Variants in MSH4 observed in about 807,000 individuals in gnomAD.
The protein encoded by MSH4 is mutS homolog 4.
Under a neutral mutation model 113.7 loss-of-function variants are expected in MSH4, and 106 were observed. The ratio of observed to expected loss-of-function variants is 0.93; its 90% CI spans 0.80 to 1.10. MSH4 has a LOEUF of 1.10. Ranked by LOEUF, MSH4 falls within the 50% of genes least tolerant of loss-of-function variation. The pLI is 0.00. For missense variants in MSH4, 1,061 were observed against 1,093.7 expected (o/e 0.97, Z 0.42); for synonymous variants, 368 against 380.2 (o/e 0.97, Z 0.37).
chr1:75,862,361 T>G (rs1651476137), intron 8 of MSH4, among the ~76,000 whole-genome samples: 1 of 152,226 alleles, frequency 6.6e-6, no homozygotes, highest in Non-Finnish European at 1.5e-5. Flanking sequence ...ACCCATCTTC[T>G]GCGTCAATCT....
At chr1:75,841,886 T>G (rs1313966717) in intron 7 of MSH4, among the ~76,000 whole-genome samples, 7 of 152,232 alleles carry the variant, frequency 4.6e-5, no homozygotes, top group Non-Finnish European at 1.0e-4. Context: ...ATATTCAGCC[T>G]ATTCTAATTT....
intron 19 of MSH4, among the ~76,000 whole-genome samples, chr1:75,908,735 T>C (rs1652724436): frequency 6.6e-6 from 1 of 152,180 alleles, no homozygotes; most frequent in African/African-American, 2.4e-5. Flanking sequence ...GGTTGTATGT[T>C]TGCTTAGAAG....
chr1:75,831,465 C>T lies in MSH4; in HGVS notation c.1162+8884C>T, dbSNP rs190350359. Among the ~76,000 whole-genome samples the T allele has an allele frequency of 1.4e-3, 220 of 152,286 alleles. 1 individual carries two copies. Among genetic ancestry groups the T allele is most frequent in the African/African-American group, 5.1e-3 (212 of 41,548 alleles). ...CAGACATCTACAGAACTCTCCACCCCAAAGCAGCAGAATATACATTTTCTC... is the reference window on the plus strand; with the variant it reads ...CAGACATCTACAGAACTCTCCACCCTAAAGCAGCAGAATATACATTTTCTC... On this transcript the variant is annotated intron_variant, in intron 7 of 19. Transcript: ENST00000263187.
At chr1:75,845,489 G>A (rs765218303) in intron 7 of MSH4, among the ~76,000 whole-genome samples, 3 of 152,182 alleles carry the variant, frequency 2.0e-5, no homozygotes, top group Admixed American at 6.6e-5. Flanking sequence ...AAGGAAATCA[G>A]TTCAAACCTC....
At chr1:75,820,032 G>A (rs997942871) in intron 6 of MSH4, among the ~76,000 whole-genome samples, 1 of 152,010 alleles carries the variant, frequency 6.6e-6, no homozygotes, top group African/African-American at 2.4e-5. Context: ...CTTTAGAATA[G>A]CTCATTTCTT....
At chr1:75,835,860 T>C (rs1650816199) in intron 7 of MSH4, among the ~76,000 whole-genome samples, 1 of 152,246 alleles carries the variant, frequency 6.6e-6, no homozygotes, top group Admixed American at 6.5e-5. Flanking sequence ...AGTACTGTGC[T>C]GAGACTGCTC....
rs144979419 is a variant in MSH4 at position 75,842,887 on chromosome 1, A to G, written c.1163-5322A>G. 9.1e-3 allele frequency among the ~76,000 whole-genome samples: 1,388 copies of G among 152,274 alleles called. 149 individuals are homozygous for G. The East Asian group carries it at 0.23, about 26-fold the overall frequency. ...TCTTGTGGAGGGCCTGACATTAGTC[A>G]GGCTCGTCCACAGTTATCCGGAGGC... On this transcript the variant is annotated intron_variant, in intron 7 of 19. Transcript: ENST00000263187.
intron 8 of MSH4, among the ~76,000 whole-genome samples, chr1:75,854,573 C>T (rs958109801): frequency 6.6e-6 from 1 of 152,022 alleles, no homozygotes; most frequent in African/African-American, 2.4e-5. Flanking sequence ...TGTGCTATAC[C>T]ACCCGTCCGT....
intron 8 of MSH4, among the ~76,000 whole-genome samples, chr1:75,863,445 T>TA (rs1651502728): frequency 6.6e-6 from 1 of 152,134 alleles, no homozygotes; most frequent in African/African-American, 2.4e-5. Context: ...ATCGCTTCAT[T>TA]AAAAAAATAT....
intron 2 of MSH4, among the ~76,000 whole-genome samples, chr1:75,804,822 CTTTTAT>C (rs1453792251): frequency 5.6e-5 from 8 of 143,922 alleles, no homozygotes; most frequent in Admixed American, 3.5e-4. Flanking sequence ...TTTTTATTTA[CTTTTAT>C]TTTTATTTTT....
At chr1:75,815,524 G>T (rs1249503345) in intron 5 of MSH4, among the ~76,000 whole-genome samples, 7 of 152,154 alleles carry the variant, frequency 4.6e-5, no homozygotes, top group Non-Finnish European at 4.4e-5. Flanking sequence ...GTAAAGCTGT[G>T]TTCCTGTTTC....
Position 75,910,964 on chromosome 1 carries a change from A to G in MSH4, c.2620-1732A>G, listed in dbSNP as rs373686047. On this transcript the variant is annotated intron_variant, in intron 19 of 19. Transcript: ENST00000263187. ...TGTCTCCTAATGCATAGTTTTTATT[A>G]TGTAGTTTGCCTACTCAGAAACTTT... is the stretch of plus-strand genomic sequence containing the variant. 3.3e-5 allele frequency among the ~76,000 whole-genome samples: 5 copies of G among 152,054 alleles called. No individual in the cohort carries two copies. In the East Asian group the frequency reaches 5.8e-4, roughly 18 times the overall value.
chr1:75,861,389 A>G (rs1274067423), intron 8 of MSH4, among the ~76,000 whole-genome samples: 2 of 152,140 alleles, frequency 1.3e-5, no homozygotes, highest in Non-Finnish European at 2.9e-5. Flanking sequence ...GCTTCTCCCC[A>G]TCTTCATGGT....
chr1:75,894,492 T>C (rs1390374274), intron 17 of MSH4, among the ~76,000 whole-genome samples: 1 of 152,210 alleles, frequency 6.6e-6, no homozygotes, highest in African/African-American at 2.4e-5. Flanking sequence ...AGACGAACAT[T>C]GAGTCCCCTT....
chr1:75,884,609 C>T (rs1196751667), intron 15 of MSH4, among the ~76,000 whole-genome samples: 2 of 151,990 alleles, frequency 1.3e-5, no homozygotes, highest in Non-Finnish European at 2.9e-5. Flanking sequence ...AGCTCTTCCT[C>T]TCCACGCTCC....
At chr1:75,847,575 T>C (rs1016306305) in intron 7 of MSH4, among the ~76,000 whole-genome samples, 1 of 151,920 alleles carries the variant, frequency 6.6e-6, no homozygotes, top group African/African-American at 2.4e-5. Flanking sequence ...AAGAAACGAG[T>C]TTATTTGGGT....
intron 7 of MSH4, among the ~76,000 whole-genome samples, chr1:75,840,681 A>T (rs1443039914): frequency 6.6e-6 from 1 of 150,880 alleles, no homozygotes; most frequent in Non-Finnish European, 1.5e-5. Flanking sequence ...TAATAAAATA[A>T]AAAATAAAAT....
intron 4 of MSH4, among the ~76,000 whole-genome samples, chr1:75,813,713 TAAG>T (rs5745365): frequency 0.21 from 31,267 of 151,894 alleles, 3,529 homozygotes; most frequent in Middle Eastern, 0.29. Flanking sequence ...ACACTTACCA[TAAG>T]AAGACCTTCA....
intron 9 of MSH4, among the ~76,000 whole-genome samples, chr1:75,868,321 G>T (rs568192187): frequency 6.6e-6 from 1 of 152,014 alleles, no homozygotes; most frequent in Non-Finnish European, 1.5e-5. Flanking sequence ...AATCTATGGA[G>T]AGTTATTTTG....
Sources: gnomAD v4.1 joint callset for allele counts (sites outside exome capture counted in the v4.1 genomes callset) on GRCh38, gnomAD v4.1.1 for gene constraint, MANE v1.5 for transcripts, NCBI Gene and HGNC (gene_info 2026-07-23, HGNC 2026-07-21) for gene names.